The following SRGAP2B variants were observed in gnomAD, a reference collection of about 807,000 sequenced individuals.
SRGAP2B encodes SLIT-ROBO Rho GTPase-activating protein 2B.
SRGAP2B carries 9 observed loss-of-function variants against 22.2 expected under a neutral mutation model. The observed-to-expected ratio is 0.41, with a 90% CI of 0.24 to 0.71. The LOEUF is 0.71. SRGAP2B is among the 30% of genes least tolerant of loss of function. SRGAP2B has a pLI of 0.35. For missense variants in SRGAP2B, 114 were observed against 235.8 expected (o/e 0.48, Z 3.38); for synonymous variants, 36 against 87.4 (o/e 0.41, Z 3.28).
At chr1:145,004,721 CA>C (rs1671459481) in intron 2 of SRGAP2B, among the ~76,000 whole-genome samples, 1 of 67,164 alleles carries the variant, frequency 1.5e-5, no homozygotes, top group Non-Finnish European at 2.5e-5. Context: ...CATTGGAACA[CA>C]CATGAAAATG....
intron 3 of SRGAP2B, among the ~76,000 whole-genome samples, chr1:144,963,999 AG>A (rs1553611691): frequency 6.6e-6 from 1 of 150,922 alleles, no homozygotes; most frequent in African/African-American, 2.5e-5. Context: ...AATGAAAAGG[AG>A]GGAAAAAAAA....
intron 3 of SRGAP2B, among the ~76,000 whole-genome samples, chr1:144,956,439 CTTTTTTTTTTTTT>C (rs3069132): frequency 4.5e-4 from 43 of 95,378 alleles, no homozygotes; most frequent in South Asian, 1.8e-3. Context: ...TGCTCATTCC[CTTTTTTTTTTTTT>C]TTTTTTTTTT....
intron 3 of SRGAP2B, among the ~76,000 whole-genome samples, chr1:144,961,325 C>A (rs1280254109): frequency 6.6e-6 from 1 of 151,134 alleles, no homozygotes; most frequent in Non-Finnish European, 1.5e-5. Flanking sequence ...ATTGCCCAAA[C>A]CCTAGATGCT....
intron 2 of SRGAP2B, among the ~76,000 whole-genome samples, chr1:145,036,414 T>A (rs1363871038): frequency 7.6e-6 from 1 of 131,090 alleles, no homozygotes; most frequent in African/African-American, 3.1e-5. Context: ...TCCAAAACTA[T>A]CATGAGATTC....
chr1:144,966,502 G>T (rs1313273491), intron 3 of SRGAP2B, among the ~76,000 whole-genome samples: 1 of 147,078 alleles, frequency 6.8e-6, no homozygotes, highest in African/African-American at 2.7e-5. Flanking sequence ...TGCTAAACGT[G>T]GAAAGGAACA....
intron 2 of SRGAP2B, among the ~76,000 whole-genome samples, chr1:145,080,662 T>C (rs1344588349): frequency 6.8e-6 from 1 of 148,006 alleles, no homozygotes; most frequent in African/African-American, 2.6e-5. Flanking sequence ...GCAATTCTCC[T>C]GCCTCAGGCT....
intron 2 of SRGAP2B, among the ~76,000 whole-genome samples, chr1:145,020,421 C>T (rs587694957): frequency 2.5e-5 from 3 of 120,620 alleles, no homozygotes; most frequent in Non-Finnish European, 3.3e-5. Context: ...AGAGAGAGAC[C>T]TTGTCTCTTT....
intron 2 of SRGAP2B, among the ~76,000 whole-genome samples, chr1:145,065,221 T>G (rs1421510417): frequency 6.6e-6 from 1 of 152,068 alleles, no homozygotes; most frequent in Non-Finnish European, 1.5e-5. Flanking sequence ...TTGCTCATTT[T>G]TCAGAACTGG....
intron 3 of SRGAP2B, among the ~76,000 whole-genome samples, chr1:144,986,449 A>T (rs1669722227): frequency 6.7e-6 from 1 of 149,736 alleles, no homozygotes; most frequent in Admixed American, 6.6e-5. Flanking sequence ...TCAAGGCTAC[A>T]GTTCACCGAC....
intron 4 of SRGAP2B, among the ~76,000 whole-genome samples, chr1:144,920,922 G>T (rs1664199121): frequency 1.3e-5 from 2 of 150,062 alleles, no homozygotes; most frequent in Non-Finnish European, 1.5e-5. Flanking sequence ...TTCAAAGCAG[G>T]TTCAATTATT....
intron 2 of SRGAP2B, among the ~76,000 whole-genome samples, chr1:145,009,543 C>A (rs1386680665): frequency 2.1e-5 from 3 of 144,568 alleles, no homozygotes; most frequent in Admixed American, 6.8e-5. Flanking sequence ...AGCCGAGATC[C>A]CGCCACTGCA....
rs1290264748 is a variant in SRGAP2B, at chr1:144,962,852, T to G, written c.261-7251A>C. Among the ~76,000 whole-genome samples, 5 of 151,626 alleles carry G rather than the reference T, an allele frequency of 3.3e-5. No homozygotes were observed. The East Asian group carries it at 9.6e-4, about 29-fold the overall frequency. The stretch of plus-strand genomic sequence containing the variant: ...AACAAATATTAATTGAGCCTCCTAT[T>G]ATGGGCTAGCCACTATTCTAGGAAT... On this transcript the variant is annotated intron_variant, in intron 3 of 9. Transcript: ENST00000612199.
At chr1:145,071,578 AT>A (rs1171059429) in intron 2 of SRGAP2B, among the ~76,000 whole-genome samples, 1 of 140,068 alleles carries the variant, frequency 7.1e-6, no homozygotes, top group African/African-American at 3.1e-5. Context: ...AAAGAATTTC[AT>A]TCGTTCATTC....
intron 4 of SRGAP2B, among the ~76,000 whole-genome samples, chr1:144,925,745 AAG>A (rs1283153449): frequency 1.4e-5 from 2 of 139,258 alleles, no homozygotes; most frequent in Non-Finnish European, 3.1e-5. Context: ...GAAAGAAAGA[AAG>A]AAAGAAAGAA....
At chr1:145,076,586 A>G (rs1453609672) in intron 2 of SRGAP2B, among the ~76,000 whole-genome samples, 1 of 147,702 alleles carries the variant, frequency 6.8e-6, no homozygotes, top group Non-Finnish European at 1.5e-5. Context: ...TTCCGTTTTT[A>G]TAATATTCTT....
At chr1:144,932,331 A>C in intron 4 of SRGAP2B, among the ~76,000 whole-genome samples, 1 of 150,962 alleles carries the variant, frequency 6.6e-6, no homozygotes, top group East Asian at 1.9e-4. Flanking sequence ...GCTCCTCAAA[A>C]CACCCTTTGT....
At chr1:145,010,639 T>C (rs1375796246) in intron 2 of SRGAP2B, among the ~76,000 whole-genome samples, 1 of 150,198 alleles carries the variant, frequency 6.7e-6, no homozygotes, top group Non-Finnish European at 1.5e-5. Flanking sequence ...GCAGTTATTT[T>C]TATTTTTATA....
chr1:144,924,726 C>A (rs1293896470), intron 4 of SRGAP2B, among the ~76,000 whole-genome samples: 1 of 126,254 alleles, frequency 7.9e-6, no homozygotes, highest in East Asian at 2.2e-4. Flanking sequence ...AGCGAAACTC[C>A]GTCTCAAAAA....
In SRGAP2B at chr1:144,915,441, G is replaced by A. The variant is rs1421746693; in HGVS notation, c.424-687C>T. Among the ~76,000 whole-genome samples the A allele has an allele frequency of 2.5e-4, 37 of 150,842 alleles. 1 individual carries two copies. The highest frequency in any genetic ancestry group is 8.7e-4 in the African/African-American group (35 of 40,386). On this transcript the variant is annotated intron_variant, in intron 4 of 9. Transcript: ENST00000612199. ...ACATAGAGCAGTAGAAATAAACAAT[G>A]AGGGCTGGGCACGGTGGCTCACACC...
Sources: allele counts gnomAD v4.1 joint callset (sites outside exome capture counted in the v4.1 genomes callset), GRCh38; gene constraint gnomAD v4.1.1; transcripts MANE v1.5; gene names NCBI Gene and HGNC (gene_info 2026-07-23, HGNC 2026-07-21).